The following STXBP5 variants were observed in gnomAD, a reference collection of about 807,000 sequenced individuals.
STXBP5 encodes syntaxin binding protein 5.
STXBP5 carries 50 observed loss-of-function variants against 152.4 expected under a neutral mutation model. The observed-to-expected ratio is 0.33, with a 90% CI of 0.26 to 0.42. STXBP5 has a LOEUF of 0.42. Among genes scored for constraint, STXBP5 ranks in the 10% least tolerant of loss-of-function variants. The pLI, the probability that STXBP5 is intolerant of heterozygous loss-of-function variation, is 1.00. For synonymous variants in STXBP5, 492 were observed against 494.7 expected (o/e 0.99, Z 0.07); for missense variants, 1,167 against 1,388.6 (o/e 0.84, Z 2.54).
chr6:147,317,102 C>G (rs551552728), intron 16 of STXBP5, among the ~76,000 whole-genome samples: 2 of 152,282 alleles, frequency 1.3e-5, no homozygotes, highest in African/African-American at 4.8e-5. Context: ...TGGTAGCACT[C>G]AGAGAGATTC....
At chr6:147,316,928 C>A (rs1782674882) in intron 16 of STXBP5, among the ~76,000 whole-genome samples, 2 of 152,132 alleles carry the variant, frequency 1.3e-5, no homozygotes. Flanking sequence ...TTTATTTTTT[C>A]TGTCCAATTT....
In STXBP5 at chr6:147,248,902, G is replaced by A. The variant is rs1187709721; in HGVS notation, c.431+9632G>A. Among the ~76,000 whole-genome samples, 3 of 152,128 alleles carry A rather than the reference G, an allele frequency of 2.0e-5. No homozygotes were observed. The East Asian group carries it at 5.8e-4, about 29-fold the overall frequency. On this transcript the variant is annotated intron_variant, in intron 4 of 27. Transcript: ENST00000321680. ...GTCAAAAGGCTCAGAGTGTGAGAAGGATCCAGTGGACAGGAGATTGTTTCT... is the reference window on the plus strand; with the variant it reads ...GTCAAAAGGCTCAGAGTGTGAGAAGAATCCAGTGGACAGGAGATTGTTTCT...
At chr6:147,295,190 G>A (rs1008633824) in intron 9 of STXBP5, among the ~76,000 whole-genome samples, 4 of 152,010 alleles carry the variant, frequency 2.6e-5, no homozygotes, top group Non-Finnish European at 5.9e-5. Context: ...CTTTTCACTA[G>A]TAGACTATAT....
chr6:147,331,551 G>A (rs1023937505), intron 18 of STXBP5, among the ~76,000 whole-genome samples: 1 of 152,146 alleles, frequency 6.6e-6, no homozygotes, highest in Non-Finnish European at 1.5e-5. Context: ...TGATTATTAA[G>A]TGAGAGGACA....
At chr6:147,273,142 C>A (rs1416235074) in intron 7 of STXBP5, among the ~76,000 whole-genome samples, 7 of 146,348 alleles carry the variant, frequency 4.8e-5, no homozygotes, top group Admixed American at 7.0e-5. Flanking sequence ...CAGTTGAGGC[C>A]AGGAGATTGA....
Position 147,311,944 on chromosome 6 carries a change from A to G in STXBP5, c.1145+417A>G, listed in dbSNP as rs572417195. Among the ~76,000 whole-genome samples the G allele has an allele frequency of 2.0e-5, 3 of 152,270 alleles. No individual in the cohort carries two copies. The South Asian group carries it at 6.2e-4, about 32-fold the overall frequency. On this transcript the variant is annotated intron_variant, in intron 11 of 27. Coordinates refer to ENST00000321680, the MANE Select transcript of STXBP5 (RefSeq NM_001127715.4). ...TTACACACAGTTCCAATCTTGTACT[A>G]TCCTCTTCAAACCATGGTTCAGTAT...
At chr6:147,316,190 A>C (rs893668605) in intron 15 of STXBP5, 39 bp from the exon 16 acceptor site, 3 of 1,581,726 alleles carry the variant, frequency 1.9e-6, no homozygotes, top group Non-Finnish European at 2.6e-6. Flanking sequence ...ATGAGCAATA[A>C]TTATTAGGAG....
intron 6 of STXBP5, among the ~76,000 whole-genome samples, chr6:147,266,827 G>T (rs1582865877): frequency 1.3e-5 from 2 of 152,068 alleles, no homozygotes; most frequent in Non-Finnish European, 2.9e-5. Context: ...GTTTTGAAAA[G>T]ACTTCAAAAT....
chr6:147,344,837 C>T (rs1784250895), intron 21 of STXBP5, among the ~76,000 whole-genome samples: 1 of 152,092 alleles, frequency 6.6e-6, no homozygotes, highest in South Asian at 2.1e-4. Context: ...GTATTCGGTA[C>T]AGAATTCTCT....
At chr6:147,353,019 C>A (rs749021051) in intron 21 of STXBP5, among the ~76,000 whole-genome samples, 7 of 151,972 alleles carry the variant, frequency 4.6e-5, no homozygotes, top group Admixed American at 1.3e-4. Context: ...GGTTACATGC[C>A]TGTAGTTCCA....
chr6:147,271,462 G>T (rs915125986), intron 7 of STXBP5, among the ~76,000 whole-genome samples: 1 of 151,902 alleles, frequency 6.6e-6, no homozygotes, highest in African/African-American at 2.4e-5. Context: ...CATATAAAAT[G>T]TTATTTTACT....
chr6:147,271,610 T>G (rs1243565236), intron 7 of STXBP5, among the ~76,000 whole-genome samples: 1 of 152,022 alleles, frequency 6.6e-6, no homozygotes, highest in African/African-American at 2.4e-5. Context: ...AAAAAAACGA[T>G]TTACCAAGTC....
intron 3 of STXBP5, among the ~76,000 whole-genome samples, chr6:147,237,449 T>C (rs1778334761): frequency 6.6e-6 from 1 of 152,252 alleles, no homozygotes; most frequent in Non-Finnish European, 1.5e-5. Context: ...ATTTTGGCTC[T>C]ATGTCTTCTC....
intron 2 of STXBP5, among the ~76,000 whole-genome samples, chr6:147,213,457 T>G (rs1776977738): frequency 6.9e-6 from 1 of 144,174 alleles, no homozygotes; most frequent in Non-Finnish European, 1.5e-5. Flanking sequence ...TGTGTGTGTG[T>G]GTGTGTGTGT....
intron 16 of STXBP5, among the ~76,000 whole-genome samples, chr6:147,317,086 TGGTTCTGGTAGCACTCAGAGA>T (rs1782682265): frequency 1.3e-5 from 2 of 152,234 alleles, no homozygotes; most frequent in South Asian, 4.1e-4. Context: ...GACGGAAAGG[TGGTTCTGGTAGCACTCAGAGA>T]GATTCAGTAG....
intron 9 of STXBP5, among the ~76,000 whole-genome samples, chr6:147,291,899 A>G (rs1258841677): frequency 2.0e-5 from 3 of 150,300 alleles, no homozygotes; most frequent in African/African-American, 7.6e-5. Context: ...GTGAGTATAT[A>G]TAGTATAGTG....
At chr6:147,300,899 T>C (rs1781776325) in intron 9 of STXBP5, among the ~76,000 whole-genome samples, 1 of 151,602 alleles carries the variant, frequency 6.6e-6, no homozygotes, top group African/African-American at 2.4e-5. Context: ...ATTTGTAAAC[T>C]ATACATCTAA....
chr6:147,313,620 A>G (rs1782490757), intron 11 of STXBP5, among the ~76,000 whole-genome samples: 1 of 152,128 alleles, frequency 6.6e-6, no homozygotes, highest in Non-Finnish European at 1.5e-5. Flanking sequence ...GTTTGGTGCA[A>G]GAAGTAAATG....
intron 9 of STXBP5, among the ~76,000 whole-genome samples, chr6:147,299,500 T>C (rs886166554): frequency 2.0e-5 from 3 of 151,950 alleles, no homozygotes; most frequent in African/African-American, 7.2e-5. Flanking sequence ...CCAGACTCAT[T>C]ATACGAAACC....
Sources: gnomAD v4.1 joint callset for allele counts (sites outside exome capture counted in the v4.1 genomes callset) on GRCh38, gnomAD v4.1.1 for gene constraint, MANE v1.5 for transcripts, NCBI Gene and HGNC (gene_info 2026-07-23, HGNC 2026-07-21) for gene names.